Variants in GSS observed in about 807,000 individuals in gnomAD.
GSS encodes glutathione synthetase.
In GSS, 34 loss-of-function variants were observed where a neutral mutation model predicts 60.4. That is an observed-to-expected ratio of 0.56 (90% CI 0.43 to 0.75). The LOEUF is 0.75. Ranked by LOEUF, GSS falls within the 30% of genes least tolerant of loss-of-function variation. The pLI, the probability that GSS is intolerant of heterozygous loss-of-function variation, is 0.00. For synonymous variants in GSS, 224 were observed against 239.0 expected (o/e 0.94, Z 0.58); for missense variants, 499 against 595.1 (o/e 0.84, Z 1.68).
chr20:34,951,928 T>C, intron 1 of GSS, 68 bp from the exon 2 acceptor site: 1 of 1,564,486 alleles, frequency 6.4e-7, no homozygotes, highest in Non-Finnish European at 8.7e-7. Context: ...CGAAACTGGC[T>C]GGCGGCCACC....
At chr20:34,938,561 C>A (rs1460741892) in intron 6 of GSS, among the ~76,000 whole-genome samples, 4 of 152,092 alleles carry the variant, frequency 2.6e-5, no homozygotes, top group Non-Finnish European at 5.9e-5. Flanking sequence ...CCTAAACTGT[C>A]CCGCTCATGG....
Position 34,946,245 on chromosome 20 carries a change from G to T in GSS, c.130-147C>A, listed in dbSNP as rs767511111. 14 of 611,350 alleles carry T rather than the reference G, an allele frequency of 2.3e-5. No individual in the cohort carries two copies. In the South Asian group the frequency reaches 2.4e-4, roughly 10 times the overall value. The allele number at this position is 611,350 out of a possible 1,614,324, so 37.9% of individuals were successfully genotyped here. A position where few individuals can be genotyped will look rare whatever the true frequency, so the allele number is the denominator to read the frequency against. On this transcript the variant is annotated intron_variant, in intron 2 of 12. Coordinates refer to ENST00000651619, the MANE Select transcript of GSS (RefSeq NM_000178.4). ...AGTGGTTACCTTGGGAGAGTGGAAGGGGGAGAGTGGAACCCAGAGAGCTTC... is the reference window on the plus strand; with the variant it reads ...AGTGGTTACCTTGGGAGAGTGGAAGTGGGAGAGTGGAACCCAGAGAGCTTC...
rs1442150418 is a variant in GSS at position 34,945,938 on chromosome 20, T to C, written c.275+15A>G. On this transcript the variant is annotated intron_variant, in intron 3 of 12. Transcript: ENST00000651619. ...CTGGCAGCTCCTGGCCCCCCAATGC[T>C]TCACTGTCCCCTACCTGGAAAGAGT... 1.2e-6 allele frequency: 2 copies of C among 1,613,730 alleles called. No individual in the cohort carries two copies. Among genetic ancestry groups the C allele is most frequent in the Non-Finnish European group, 1.7e-6 (2 of 1,179,750 alleles).
At chr20:34,941,590 T>C in intron 6 of GSS, 123 bp downstream of exon 6, 6 of 731,610 alleles carry the variant, frequency 8.2e-6, no homozygotes, top group Non-Finnish European at 1.5e-5. Flanking sequence ...TGTAAAGGTA[T>C]AAGTTTCTAT....
chr20:34,950,048 T>TACACACAC (rs1555889041), intron 2 of GSS: 2 of 72,718 alleles, frequency 2.8e-5, no homozygotes, highest in Non-Finnish European at 5.9e-5. Flanking sequence ...CACACACACG[T>TACACACAC]ACACTTTCTG....
At chr20:34,953,174 A>T (rs2081582478) in intron 1 of GSS, among the ~76,000 whole-genome samples, 1 of 152,238 alleles carries the variant, frequency 6.6e-6, no homozygotes, top group Non-Finnish European at 1.5e-5. Flanking sequence ...ATCTGGAAAC[A>T]CAGTCACTAA....
intron 11 of GSS, among the ~76,000 whole-genome samples, chr20:34,930,375 C>G (rs992100146): frequency 6.6e-6 from 1 of 152,122 alleles, no homozygotes; most frequent in Non-Finnish European, 1.5e-5. Context: ...GAACTTATTA[C>G]TTCTGCCTGA....
At chr20:34,941,669 T>C (rs566704166) in intron 6 of GSS, 44 bp downstream of exon 6, 2 of 1,066,436 alleles carry the variant, frequency 1.9e-6, no homozygotes, top group African/African-American at 3.1e-5. Context: ...CCATGAATGC[T>C]GAAACTAAAG....
rs776811050 is a variant in GSS, at chr20:34,936,964, A to G, written c.668T>C (p.Ile223Thr). Reference protein sequence around the residue: ...KERNIFDQRAIENELLARNIH... With the variant: ...KERNIFDQRATENELLARNIH... ...TTACCTGGCCAGTAGCTCATTCTCT[A>G]TGGCACGCTGGTCAAATATGTTTCT... The change falls in exon 7 of 13, where the codon ATA becomes ACA. Residue 223 changes from isoleucine (I) to threonine (T), a missense_variant. Physicochemically the swap from Ile to Thr is moderately conservative, Grantham distance 89. Transcript: ENST00000651619. 1 of 1,613,760 alleles carries G rather than the reference A, an allele frequency of 6.2e-7. No individual in the cohort carries two copies. Among genetic ancestry groups the G allele is most frequent in the South Asian group, 1.1e-5 (1 of 91,064 alleles).
At chr20:34,939,457 GT>G (rs1054006402) in intron 6 of GSS, among the ~76,000 whole-genome samples, 2 of 152,066 alleles carry the variant, frequency 1.3e-5, no homozygotes, top group African/African-American at 4.8e-5. Context: ...TACCAATGCA[GT>G]TTTTCAGTCA....
chr20:34,935,771 C>A, intron 8 of GSS, 129 bp from the exon 9 acceptor site: 2 of 714,298 alleles, frequency 2.8e-6, no homozygotes, highest in South Asian at 3.0e-5. Flanking sequence ...GGAGCCTGGT[C>A]AGGGGTTCAC....
chr20:34,936,628 G>T, intron 8 of GSS, 135 bp downstream of exon 8: 1 of 821,366 alleles, frequency 1.2e-6, no homozygotes, highest in Non-Finnish European at 2.2e-6. Context: ...TTCCTGGGAG[G>T]ATGAGATATT....
Position 34,931,798 on chromosome 20 carries a change from G to A in GSS, c.1029+141C>T. On this transcript the variant is annotated intron_variant, in intron 10 of 12. Transcript: ENST00000651619. ...GGCTGCCCTTCTGCTCAGAGTTCTA[G>A]GGGTTCTCCAGAGCATCACCAACCT... 8 of 747,030 alleles carry A rather than the reference G, an allele frequency of 1.1e-5. No homozygotes were observed. The South Asian group carries it at 1.3e-4, about 12-fold the overall frequency. 46.3% of individuals were successfully genotyped at this position (747,030 alleles called of 1,614,324 possible).
chr20:34,955,752 T>G lies in GSS; in HGVS notation c.-34A>C, dbSNP rs768207934. On this transcript the variant is annotated 5_prime_UTR_variant, in exon 1 of 13. Transcript: ENST00000651619. ...TAGTTCGCCTTTCCTCCGCGAACGG[T>G]TCTCCCGGCCCTCGCGCCGCTACCC... The G allele has an allele frequency of 2.6e-5, 4 of 152,236 alleles. No homozygotes were observed. Among genetic ancestry groups the G allele is most frequent in the African/African-American group, 4.8e-5 (2 of 41,458 alleles). The allele number at this position is 152,236 out of a possible 1,614,324, so 9.4% of individuals were successfully genotyped here. A position where few individuals can be genotyped will look rare whatever the true frequency, so the allele number is the denominator to read the frequency against.
In GSS at chr20:34,929,476, CAATTCTCAA is replaced by C; in HGVS notation, c.1217_1225del (p.Phe406_Asn408del). ...GGCAGGGCTGCCAGGCCGTAGCAGG[CAATTCTCAA>C]AAGGCTCAGGTTCGATCTTCTCCAT... is the stretch of plus-strand genomic sequence containing the variant. On this transcript the variant is annotated inframe_deletion, in exon 12 of 13. Transcript: ENST00000651619. 1 of 1,614,166 alleles carries C rather than the reference CAATTCTCAA, an allele frequency of 6.2e-7. No homozygotes were observed. Among genetic ancestry groups the C allele is most frequent in the Non-Finnish European group, 8.5e-7 (1 of 1,179,996 alleles).
At chr20:34,935,500 A>G (rs1027318512) in intron 9 of GSS, 76 bp downstream of exon 9, 7 of 993,030 alleles carry the variant, frequency 7.0e-6, no homozygotes. Context: ...CCAGGTTGTT[A>G]TAAGCCTGAA....
At chr20:34,937,129 C>T (rs2147125832) in intron 6 of GSS, 106 bp from the exon 7 acceptor site, 1 of 767,148 alleles carries the variant, frequency 1.3e-6, no homozygotes, top group Non-Finnish European at 2.3e-6. Flanking sequence ...AGAATAAGAA[C>T]ACCGCTTCCC....
rs769539940 is a variant in GSS at position 34,931,464 on chromosome 20, G to C, written c.1030-47C>G. On this transcript the variant is annotated intron_variant, in intron 10 of 12. Coordinates refer to ENST00000651619, the MANE Select transcript of GSS (RefSeq NM_000178.4). ...TTATCAAAAGTTTAAAGGCTAAAGA[G>C]GCAAGAAGCTTAGGTCCAGCTGGTT... 9.4e-6 allele frequency: 14 copies of C among 1,482,432 alleles called. No homozygotes were observed. In the South Asian group the frequency reaches 1.0e-4, roughly 11 times the overall value. 91.8% of individuals were successfully genotyped at this position (1,482,432 alleles called of 1,614,324 possible).
rs1269469464 is a variant in GSS at position 34,936,982 on chromosome 20, A to G, written c.650T>C (p.Ile217Thr). ...ATTCTCTATGGCACGCTGGTCAAAT[A>G]TGTTTCTTTCCTTCTCTTGAGCAAT... Reference protein sequence around the residue: ...LLIAQEKERNIFDQRAIENEL... With the variant: ...LLIAQEKERNTFDQRAIENEL... The change falls in exon 7 of 13, where the codon ATA becomes ACA. Residue 217 changes from isoleucine to threonine, a missense_variant. By Grantham distance (89) the Ile-to-Thr change is moderately conservative (BLOSUM62 -1). Transcript: ENST00000651619. 2 of 1,613,946 alleles carry G rather than the reference A, an allele frequency of 1.2e-6. No homozygotes were observed. Among genetic ancestry groups the G allele is most frequent in the East Asian group, 2.2e-5 (1 of 44,874 alleles).
Sources: allele counts gnomAD v4.1 joint callset (sites outside exome capture counted in the v4.1 genomes callset), GRCh38; gene constraint gnomAD v4.1.1; transcripts MANE v1.5; gene names NCBI Gene and HGNC (gene_info 2026-07-23, HGNC 2026-07-21).